Variants in SYN2 observed in about 807,000 individuals in gnomAD.
The protein encoded by SYN2 is synapsin-2.
A neutral mutation model predicts 50.9 loss-of-function variants in SYN2; 19 were observed. The observed-to-expected ratio is 0.37, with a 90% CI of 0.26 to 0.55. SYN2 has a LOEUF of 0.55. Ranked by LOEUF, SYN2 falls within the 20% of genes least tolerant of loss-of-function variation. The pLI, the probability that SYN2 is intolerant of heterozygous loss-of-function variation, is 0.81. For missense variants in SYN2, 587 were observed against 576.4 expected (o/e 1.02, Z -0.19); for synonymous variants, 255 against 224.9 (o/e 1.13, Z -1.20).
chr3:12,005,904 G>A (rs1693792699), intron 1 of SYN2, among the ~76,000 whole-genome samples: 1 of 145,766 alleles, frequency 6.9e-6, no homozygotes, highest in African/African-American at 2.8e-5. Context: ...GGGAATGGTG[G>A]GATGGTGAAA....
intron 1 of SYN2, among the ~76,000 whole-genome samples, chr3:12,045,969 T>C (rs893901084): frequency 9.9e-5 from 15 of 152,210 alleles, no homozygotes; most frequent in African/African-American, 3.6e-4. Context: ...GCTTCTTTCA[T>C]TTACCAGACA....
At chr3:12,055,951 A>G (rs1172771354) in intron 1 of SYN2, among the ~76,000 whole-genome samples, 1 of 152,212 alleles carries the variant, frequency 6.6e-6, no homozygotes, top group Non-Finnish European at 1.5e-5. Flanking sequence ...GAGTCTGATC[A>G]AGCCTCTGCG....
At chr3:12,058,645 C>G (rs1695050806) in intron 1 of SYN2, among the ~76,000 whole-genome samples, 2 of 152,114 alleles carry the variant, frequency 1.3e-5, no homozygotes. Context: ...AATATGAAAG[C>G]AGTGCTGGAA....
At position 12,145,656 on chromosome 3, in the gene SYN2, ACCTG is replaced by A; in HGVS notation, c.528-19_528-16del. 2 of 1,610,730 alleles carry A rather than the reference ACCTG, an allele frequency of 1.2e-6. No individual in the cohort carries two copies. Among genetic ancestry groups the A allele is most frequent in the Non-Finnish European group, 8.5e-7 (1 of 1,177,672 alleles). ...GGCCTGAAGTGCTGGTTAATGGCAAACCTGCCTCTACCTTCTCACCAGGTCCTTC... is the reference window on the plus strand; with the variant it reads ...GGCCTGAAGTGCTGGTTAATGGCAAACCTCTACCTTCTCACCAGGTCCTTC... On this transcript the variant is annotated intron_variant, in intron 3 of 12. Transcript: ENST00000621198.
At chr3:12,022,719 T>TG (rs1347887207) in intron 1 of SYN2, among the ~76,000 whole-genome samples, 1 of 148,486 alleles carries the variant, frequency 6.7e-6, no homozygotes, top group African/African-American at 2.5e-5. Context: ...ATTCTTTAAA[T>TG]TTTTTTTTTG....
intron 1 of SYN2, among the ~76,000 whole-genome samples, chr3:12,100,143 T>C (rs1298312863): frequency 6.6e-6 from 1 of 152,072 alleles, no homozygotes; most frequent in African/African-American, 2.4e-5. Flanking sequence ...AAGCTAATTT[T>C]AAAATCATAT....
At chr3:12,112,758 G>A (rs117727191) in intron 1 of SYN2, among the ~76,000 whole-genome samples, 2 of 145,014 alleles carry the variant, frequency 1.4e-5, no homozygotes, top group Admixed American at 6.7e-5. Flanking sequence ...CTGCCTCCAC[G>A]TGAAAGTTCA....
intron 1 of SYN2, among the ~76,000 whole-genome samples, chr3:12,036,502 G>C (rs1448066038): frequency 6.6e-6 from 1 of 152,154 alleles, no homozygotes; most frequent in Non-Finnish European, 1.5e-5. Context: ...CCACAGCTGG[G>C]GAGTCTGAGG....
At chr3:12,080,402 C>T (rs1033055548) in intron 1 of SYN2, among the ~76,000 whole-genome samples, 4 of 151,666 alleles carry the variant, frequency 2.6e-5, no homozygotes, top group African/African-American at 9.7e-5. Flanking sequence ...GTTAGGTTGT[C>T]GATTTGAGAT....
intron 1 of SYN2, among the ~76,000 whole-genome samples, chr3:12,127,759 A>C (rs1046850208): frequency 2.6e-5 from 4 of 152,216 alleles, no homozygotes; most frequent in African/African-American, 9.7e-5. Flanking sequence ...GTCAGTTTGC[A>C]CTTGGACCAG....
Position 12,070,521 on chromosome 3 carries a change from G to A in SYN2, c.377+65593G>A, listed in dbSNP as rs1197568417. 7 of 810,860 alleles carry A rather than the reference G, an allele frequency of 8.6e-6. No homozygotes were observed. The Admixed American group carries it at 9.2e-5, about 11-fold the overall frequency. 50.2% of individuals were successfully genotyped at this position (810,860 alleles called of 1,614,324 possible). On this transcript the variant is annotated intron_variant, in intron 1 of 12. Coordinates refer to ENST00000621198, the MANE Select transcript of SYN2 (RefSeq NM_133625.6). ...CCACACCTTCTACAGTGAGTTGCGT[G>A]TGGCCCCGGAGGAGCACCTGGTGCT...
At chr3:12,104,592 T>TG (rs71044265) in intron 1 of SYN2, among the ~76,000 whole-genome samples, 1 of 144,726 alleles carries the variant, frequency 6.9e-6, no homozygotes, top group East Asian at 2.0e-4. Context: ...TTTTTTTTTT[T>TG]GAGACTGAGT....
Position 12,153,192 on chromosome 3 carries a change from G to T in SYN2, c.774+1866G>T, listed in dbSNP as rs916501680. 5 of 417,440 alleles carry T rather than the reference G, an allele frequency of 1.2e-5. No individual in the cohort carries two copies. In the East Asian group the frequency reaches 1.9e-4, roughly 16 times the overall value. The allele number at this position is 417,440 out of a possible 1,614,324, so 25.9% of individuals were successfully genotyped here. ...TTCGCCATTTCTCCCCTACCAGATC[G>T]ATTAAGACAAAGGAAAACACATATT... is the stretch of plus-strand genomic sequence containing the variant. On this transcript the variant is annotated intron_variant, in intron 5 of 12. Transcript: ENST00000621198.
intron 1 of SYN2, among the ~76,000 whole-genome samples, chr3:12,068,640 A>G (rs912354766): frequency 6.6e-6 from 1 of 152,064 alleles, no homozygotes; most frequent in Non-Finnish European, 1.5e-5. Flanking sequence ...TTCCGAATTT[A>G]TCAGTAGATT....
At chr3:12,183,095 C>T (rs550078811) in intron 10 of SYN2, among the ~76,000 whole-genome samples, 1 of 152,318 alleles carries the variant, frequency 6.6e-6, no homozygotes, top group East Asian at 1.9e-4. Context: ...CAGAGTGGCT[C>T]CAAGCCCCAG....
intron 11 of SYN2, chr3:12,185,024 G>C: frequency 5.1e-6 from 5 of 985,804 alleles, no homozygotes; most frequent in Non-Finnish European, 6.0e-6. Flanking sequence ...CTTGTGCCTT[G>C]GTTTCTCCTT....
At position 12,162,104 on chromosome 3, in the gene SYN2, C is replaced by G. The variant is rs1354045320; in HGVS notation, c.930C>G (p.Ser310=). ...CCACTGCAGAGCCTTTCATTGACTC[C>G]AAGTATGACATCCGGGTCCAGAAGA... is the stretch of plus-strand genomic sequence containing the variant. The part of the protein sequence containing the change: ...TYATAEPFID[S]KYDIRVQKIG... The change falls in exon 7 of 13, where the codon TCC becomes TCG. Residue 310 remains serine (S), a synonymous_variant. Transcript: ENST00000621198. The G allele has an allele frequency of 6.2e-7, 1 of 1,613,992 alleles. No individual in the cohort carries two copies. Among genetic ancestry groups the G allele is most frequent in the African/African-American group, 1.3e-5 (1 of 74,890 alleles).
At chr3:12,055,695 T>A (rs1694972636) in intron 1 of SYN2, among the ~76,000 whole-genome samples, 1 of 152,230 alleles carries the variant, frequency 6.6e-6, no homozygotes, top group African/African-American at 2.4e-5. Flanking sequence ...TAGTTGCCTT[T>A]CTCTCTGGGT....
At chr3:12,098,377 G>T (rs1695988824) in intron 1 of SYN2, among the ~76,000 whole-genome samples, 1 of 152,014 alleles carries the variant, frequency 6.6e-6, no homozygotes, top group East Asian at 1.9e-4. Context: ...TTGTGTCAGT[G>T]GGCATACAAT....
Sources: allele counts gnomAD v4.1 joint callset (sites outside exome capture counted in the v4.1 genomes callset), GRCh38; gene constraint gnomAD v4.1.1; transcripts MANE v1.5; gene names NCBI Gene and HGNC (gene_info 2026-07-23, HGNC 2026-07-21).